Variants in BEND4 observed in about 807,000 individuals in gnomAD.
The protein encoded by BEND4 is BEN domain containing 4.
Under a neutral mutation model 54.7 loss-of-function variants are expected in BEND4, and 27 were observed. That is an observed-to-expected ratio of 0.49 (90% CI 0.36 to 0.68). The LOEUF (loss-of-function observed/expected upper bound fraction) is 0.68. Ranked by LOEUF, BEND4 falls within the 30% of genes least tolerant of loss-of-function variation. BEND4 has a pLI of 0.00. For missense variants in BEND4, 702 were observed against 697.2 expected (o/e 1.01, Z -0.08); for synonymous variants, 327 against 299.5 (o/e 1.09, Z -0.95).
rs146548266 is a variant in BEND4, at chr4:42,124,891, T to C, written c.1146+692A>G. ...GATACTTTGGGAGCCTGGAAGGAGA[T>C]GGAAGTAGAAAGGAGAGCAATGACA... On this transcript the variant is annotated intron_variant, in intron 4 of 5. Transcript: ENST00000502486. 2.4e-3 allele frequency among the ~76,000 whole-genome samples: 365 copies of C among 151,970 alleles called. 1 individual carries two copies. The highest frequency in any genetic ancestry group is 4.0e-3 in the Admixed American group (61 of 15,282).
At chr4:42,135,278 C>T (rs980592961) in intron 3 of BEND4, among the ~76,000 whole-genome samples, 1 of 152,162 alleles carries the variant, frequency 6.6e-6, no homozygotes, top group African/African-American at 2.4e-5. Flanking sequence ...CTGAGGTCCC[C>T]TACCTGGCCA....
chr4:42,143,521 C>G lies in BEND4; in HGVS notation c.961G>C (p.Gly321Arg), dbSNP rs368691156. The change falls in exon 3 of 6, where the codon GGC becomes CGC. Residue 321 changes from glycine to arginine, a missense_variant. By Grantham distance (125) the Gly-to-Arg change is moderately radical. Transcript: ENST00000502486. ...PEEEEEEDEE[G>R]YCPRCQELEQ... Reference sequence around the variant, plus strand: ...AGCTCTTGGCATCGAGGACAATAGCCTTCCTCGTCCTCCTCCTCCTCCTCT... The same window carrying G: ...AGCTCTTGGCATCGAGGACAATAGCGTTCCTCGTCCTCCTCCTCCTCCTCT... The G allele has an allele frequency of 1.3e-6, 2 of 1,553,362 alleles. No individual in the cohort carries two copies. Among genetic ancestry groups the G allele is most frequent in the African/African-American group, 1.4e-5 (1 of 73,124 alleles).
chr4:42,141,190 T>C (rs2153146959), intron 3 of BEND4, among the ~76,000 whole-genome samples: 1 of 152,282 alleles, frequency 6.6e-6, no homozygotes, highest in Middle Eastern at 3.4e-3. Context: ...GGCTCCAATG[T>C]AAAAGGAGAA....
At chr4:42,150,081 G>T (rs372009856) in intron 2 of BEND4, among the ~76,000 whole-genome samples, 23 of 152,078 alleles carry the variant, frequency 1.5e-4, no homozygotes, top group African/African-American at 4.8e-4. Flanking sequence ...TGCTGGCAAA[G>T]AACATAAAAA....
In BEND4 at chr4:42,152,154, G is replaced by C. The variant is rs1721327063; in HGVS notation, c.-11C>G. On this transcript the variant is annotated 5_prime_UTR_variant, in exon 2 of 6. Transcript: ENST00000502486. ...CATCTCTTCCTCCATCCGGCGCCTC[G>C]GGGCCGGTCCCTCGGAGCACGTCCC... 2 of 1,241,526 alleles carry C rather than the reference G, an allele frequency of 1.6e-6. No individual in the cohort carries two copies. The highest frequency in any genetic ancestry group is 3.1e-5 in the African/African-American group (2 of 63,994). The allele number at this position is 1,241,526 out of a possible 1,614,324, so 76.9% of individuals were successfully genotyped here. A position where few individuals can be genotyped will look rare whatever the true frequency, so the allele number is the denominator to read the frequency against.
chr4:42,151,438 G>A, intron 2 of BEND4: 1 of 372,412 alleles, frequency 2.7e-6, no homozygotes, highest in Non-Finnish European at 4.7e-6. Context: ...CCAAGCCGCG[G>A]AGCCACCTGT....
chr4:42,125,886 G>A (rs558688619), intron 3 of BEND4, among the ~76,000 whole-genome samples: 38 of 151,982 alleles, frequency 2.5e-4, no homozygotes, highest in Admixed American at 1.1e-3. Context: ...CTACAGGTGC[G>A]CACCACTGCA....
chr4:42,117,831 G>T, intron 5 of BEND4, 96 bp from the exon 6 acceptor site: 1 of 776,152 alleles, frequency 1.3e-6, no homozygotes, highest in Non-Finnish European at 2.1e-6. Flanking sequence ...TTTAACAGAA[G>T]CTCTATAAGA....
In BEND4 at chr4:42,143,435, GCTCT is replaced by G; in HGVS notation, c.1043_1046del (p.Glu348AlafsTer10). ...AGGAATATGGCAGGATACCTGGGATGCTCTCTAATTTCCTTCTGAGCTCTTCATT... is the reference window on the plus strand; with the variant it reads ...AGGAATATGGCAGGATACCTGGGATGCTAATTTCCTTCTGAGCTCTTCATT... On this transcript the variant is annotated frameshift_variant, in exon 3 of 6. Transcript: ENST00000502486. LOFTEE classifies it high-confidence loss of function. The G allele has an allele frequency of 6.4e-7, 1 of 1,551,166 alleles. No individual in the cohort carries two copies. The highest frequency in any genetic ancestry group is 8.7e-7 in the Non-Finnish European group (1 of 1,146,394).
intron 2 of BEND4, chr4:42,151,005 G>C (rs1351119894): frequency 6.6e-6 from 1 of 152,230 alleles, no homozygotes; most frequent in African/African-American, 2.4e-5. Context: ...CCACGGCGTG[G>C]CGGACGCGGA....
chr4:42,127,728 G>A (rs942732049), intron 3 of BEND4, among the ~76,000 whole-genome samples: 1 of 152,312 alleles, frequency 6.6e-6, no homozygotes, highest in African/African-American at 2.4e-5. Flanking sequence ...TAAAATGCAA[G>A]GGTACATATG....
At chr4:42,134,416 A>G (rs1157193685) in intron 3 of BEND4, among the ~76,000 whole-genome samples, 2 of 152,226 alleles carry the variant, frequency 1.3e-5, no homozygotes, top group East Asian at 1.9e-4. Flanking sequence ...GTAAATATCT[A>G]GAAATAAACA....
intron 3 of BEND4, among the ~76,000 whole-genome samples, chr4:42,142,200 C>G (rs528048300): frequency 3.3e-5 from 5 of 151,810 alleles, no homozygotes; most frequent in Admixed American, 2.6e-4. Context: ...GCCACTGCGC[C>G]CGGCCTCAAG....
intron 3 of BEND4, among the ~76,000 whole-genome samples, chr4:42,127,091 C>A (rs1720317793): frequency 1.3e-5 from 2 of 152,030 alleles, no homozygotes; most frequent in Non-Finnish European, 1.5e-5. Flanking sequence ...TTTAAGATAG[C>A]AAACAGGAAT....
intron 2 of BEND4, among the ~76,000 whole-genome samples, chr4:42,147,168 T>C (rs564932783): frequency 6.6e-6 from 1 of 152,320 alleles, no homozygotes; most frequent in African/African-American, 2.4e-5. Context: ...TTGTCACCCT[T>C]AGAGTAGAAT....
chr4:42,127,062 G>T, intron 3 of BEND4, among the ~76,000 whole-genome samples: 1 of 151,866 alleles, frequency 6.6e-6, no homozygotes, highest in South Asian at 2.1e-4. Context: ...TCTAAATTTC[G>T]TGTTTCTCAC....
rs916990153 is a variant in BEND4 at position 42,116,872 on chromosome 4, C to G, written c.*646G>C. The G allele has an allele frequency of 6.6e-6, 1 of 152,102 alleles. No homozygotes were observed. Among genetic ancestry groups the G allele is most frequent in the African/African-American group, 2.4e-5 (1 of 41,422 alleles). The allele number at this position is 152,102 out of a possible 1,614,324, so 9.4% of individuals were successfully genotyped here. A position where few individuals can be genotyped will look rare whatever the true frequency, so the allele number is the denominator to read the frequency against. On this transcript the variant is annotated 3_prime_UTR_variant, in exon 6 of 6. Transcript: ENST00000502486. Reference sequence around the variant, plus strand: ...AAAAATGACTACTGTTTGTAAACTCCAGAGATCAAATAGTGCCTTCTTGAT... The same window carrying G: ...AAAAATGACTACTGTTTGTAAACTCGAGAGATCAAATAGTGCCTTCTTGAT...
intron 5 of BEND4, among the ~76,000 whole-genome samples, chr4:42,119,167 G>A (rs562668475): frequency 1.3e-5 from 2 of 152,090 alleles, no homozygotes; most frequent in Admixed American, 1.3e-4. Flanking sequence ...CAGAAGTAGA[G>A]TATTCTTTCC....
intron 2 of BEND4, among the ~76,000 whole-genome samples, chr4:42,144,758 T>C (rs1296560807): frequency 6.6e-6 from 1 of 152,232 alleles, no homozygotes; most frequent in Non-Finnish European, 1.5e-5. Flanking sequence ...GGGTGCCTGT[T>C]AGCCCATGTA....
Sources: allele counts gnomAD v4.1 joint callset (sites outside exome capture counted in the v4.1 genomes callset), GRCh38; gene constraint gnomAD v4.1.1; transcripts MANE v1.5; gene names NCBI Gene and HGNC (gene_info 2026-07-23, HGNC 2026-07-21).